The following CPEB3 variants were observed in gnomAD, a reference collection of about 807,000 sequenced individuals.
The protein encoded by CPEB3 is cytoplasmic polyadenylation element-binding protein 3.
Under a neutral mutation model 67.2 loss-of-function variants are expected in CPEB3, and 20 were observed. The ratio of observed to expected loss-of-function variants is 0.30; its 90% CI spans 0.21 to 0.43. CPEB3 has a LOEUF of 0.43. Among genes scored for constraint, CPEB3 ranks in the 20% least tolerant of loss-of-function variants. CPEB3 has a pLI of 1.00. For missense variants in CPEB3, 746 were observed against 968.6 expected, an observed-to-expected ratio of 0.77 and a Z score of 3.05; for synonymous variants, 376 against 393.1, an observed-to-expected ratio of 0.96 and a Z score of 0.51.
chr10:92,054,946 T>C (rs541284255), intron 9 of CPEB3, among the ~76,000 whole-genome samples: 1 of 152,260 alleles, frequency 6.6e-6, no homozygotes, highest in Non-Finnish European at 1.5e-5. Context: ...GCAAAGTAAA[T>C]GTCTACCTAC....
intron 2 of CPEB3, among the ~76,000 whole-genome samples, chr10:92,213,748 G>A (rs1414738456): frequency 1.3e-5 from 2 of 152,042 alleles, no homozygotes. Context: ...AACAGTCTCA[G>A]GACTCAGTAG....
intron 2 of CPEB3, among the ~76,000 whole-genome samples, chr10:92,208,583 CT>C (rs11358111): frequency 0.11 from 15,600 of 144,292 alleles, 2,739 homozygotes; most frequent in African/African-American, 0.37. Context: ...TCTGAAAGCC[CT>C]TTTTTTTTTT....
intron 1 of CPEB3, among the ~76,000 whole-genome samples, chr10:92,249,622 T>C (rs532692792): frequency 1.3e-5 from 2 of 151,658 alleles, no homozygotes; most frequent in South Asian, 4.2e-4. Context: ...CACTCCAGCC[T>C]GGGCAACAGA....
Position 92,287,152 on chromosome 10 carries a change from C to T in CPEB3, c.-12+3774G>A, listed in dbSNP as rs187248720. ...CATAGACTTTTTTTTTTTTTTGAGACGGAGTCTCACTCTGTTGCCAGGCTG... is the reference window on the plus strand; with the variant it reads ...CATAGACTTTTTTTTTTTTTTGAGATGGAGTCTCACTCTGTTGCCAGGCTG... On this transcript the variant is annotated intron_variant, in intron 1 of 9. Coordinates refer to ENST00000265997, the MANE Select transcript of CPEB3 (RefSeq NM_014912.5). Among the ~76,000 whole-genome samples, 860 of 146,018 alleles carry T rather than the reference C, an allele frequency of 5.9e-3. 9 individuals carry two copies. Among genetic ancestry groups the T allele is most frequent in the African/African-American group, 0.02 (806 of 39,630 alleles).
chr10:92,198,502 T>G (rs2134222173), intron 2 of CPEB3, among the ~76,000 whole-genome samples: 1 of 152,326 alleles, frequency 6.6e-6, no homozygotes, highest in Middle Eastern at 3.4e-3. Context: ...GCCCTTTTCT[T>G]GGAAGAGGAA....
In CPEB3 at chr10:92,240,148, G is replaced by T. The variant is rs887909133; in HGVS notation, c.203C>A (p.Pro68Gln). The change falls in exon 2 of 10, where the codon CCG becomes CAG. Residue 68 changes from proline (P) to glutamine (Q), a missense_variant. Physicochemically the swap from Pro to Gln is moderately conservative, Grantham distance 76. Transcript: ENST00000265997. ...CGGTGATTCCATCTGCATCTTGTCC[G>T]GGCCGTTGGGGGCCGGGGGGGCAGC... ...PAAAPPAPNGPDKMQMESPLL... is the reference protein window; with the variant it reads ...PAAAPPAPNGQDKMQMESPLL... 11 of 1,556,758 alleles carry T rather than the reference G, an allele frequency of 7.1e-6. No individual in the cohort carries two copies. Among genetic ancestry groups the T allele is most frequent in the East Asian group, 2.4e-5 (1 of 42,356 alleles).
chr10:92,168,255 C>T (rs1384077311), intron 4 of CPEB3, among the ~76,000 whole-genome samples: 3 of 152,170 alleles, frequency 2.0e-5, no homozygotes, highest in Non-Finnish European at 4.4e-5. Context: ...CATTCTGTTT[C>T]ACTGCTTTCA....
intron 2 of CPEB3, among the ~76,000 whole-genome samples, chr10:92,232,386 C>T (rs1210363630): frequency 6.6e-6 from 1 of 151,826 alleles, no homozygotes; most frequent in Non-Finnish European, 1.5e-5. Context: ...ACCTGCAGAT[C>T]AAAACACTAT....
intron 3 of CPEB3, among the ~76,000 whole-genome samples, chr10:92,184,374 G>A (rs556525618): frequency 2.0e-5 from 3 of 152,316 alleles, no homozygotes; most frequent in Non-Finnish European, 4.4e-5. Context: ...GGAGGCCGAG[G>A]CAGTCGGATC....
chr10:92,234,830 C>T (rs373332916), intron 2 of CPEB3, among the ~76,000 whole-genome samples: 6 of 152,238 alleles, frequency 3.9e-5, no homozygotes, highest in African/African-American at 1.4e-4. Flanking sequence ...GAGGCTGAGG[C>T]AGGAGAATCT....
At chr10:92,106,402 G>A (rs1037634514) in intron 7 of CPEB3, among the ~76,000 whole-genome samples, 26 of 152,210 alleles carry the variant, frequency 1.7e-4, no homozygotes, top group South Asian at 4.1e-4. Context: ...GATGGCTCTA[G>A]ATAGGGATGG....
intron 2 of CPEB3, among the ~76,000 whole-genome samples, chr10:92,208,633 G>T (rs1490623417): frequency 7.0e-6 from 1 of 143,350 alleles, no homozygotes; most frequent in African/African-American, 2.6e-5. Flanking sequence ...TCACTCTGTT[G>T]CCCAGGCTGG....
chr10:92,137,671 C>T, intron 6 of CPEB3: 1 of 518,656 alleles, frequency 1.9e-6, no homozygotes. Context: ...GATTGTCACC[C>T]TAGGCAGTCA....
At chr10:92,073,497 G>A (rs1842830964) in intron 9 of CPEB3, among the ~76,000 whole-genome samples, 1 of 152,088 alleles carries the variant, frequency 6.6e-6, no homozygotes, top group Non-Finnish European at 1.5e-5. Context: ...GGAGTTCAGT[G>A]GTGCAGTCAT....
intron 6 of CPEB3, chr10:92,137,350 A>C (rs569533095): frequency 1.7e-5 from 16 of 962,132 alleles, no homozygotes; most frequent in South Asian, 6.6e-5. Flanking sequence ...TGATATGCTT[A>C]ACCAGAGATA....
intron 2 of CPEB3, among the ~76,000 whole-genome samples, chr10:92,226,634 T>C (rs1850988132): frequency 6.6e-6 from 1 of 152,136 alleles, no homozygotes; most frequent in Non-Finnish European, 1.5e-5. Context: ...CATTCTACTG[T>C]GGAAGAACAA....
chr10:92,262,584 C>T (rs1232890191), intron 1 of CPEB3, among the ~76,000 whole-genome samples: 1 of 152,076 alleles, frequency 6.6e-6, no homozygotes, highest in Admixed American at 6.5e-5. Flanking sequence ...AGGTAGCTCA[C>T]GCCTATAATC....
intron 2 of CPEB3, among the ~76,000 whole-genome samples, chr10:92,222,605 C>T (rs1850756828): frequency 6.6e-6 from 1 of 152,050 alleles, no homozygotes. Flanking sequence ...CATTGGGTGC[C>T]ATGTTGTTGG....
intron 7 of CPEB3, among the ~76,000 whole-genome samples, chr10:92,107,673 TG>T (rs1397407294): frequency 6.6e-6 from 1 of 152,078 alleles, no homozygotes; most frequent in African/African-American, 2.4e-5. Context: ...TCTTCTGATA[TG>T]CCTGGGATAC....
Sources: allele counts gnomAD v4.1 joint callset (sites outside exome capture counted in the v4.1 genomes callset), GRCh38; gene constraint gnomAD v4.1.1; transcripts MANE v1.5; gene names NCBI Gene and HGNC (gene_info 2026-07-23, HGNC 2026-07-21).